The following ZNF140 variants were observed in gnomAD, a reference collection of about 807,000 sequenced individuals.
The protein encoded by ZNF140 is zinc finger protein 140 (clone pHZ-39).
Under a neutral mutation model 12.9 loss-of-function variants are expected in ZNF140, and 13 were observed. The ratio of observed to expected loss-of-function variants is 1.01; its 90% CI spans 0.66 to 1.60. ZNF140 has a LOEUF of 1.60. Ranked by LOEUF, ZNF140 falls within the 40% of genes most tolerant of loss-of-function variation. The pLI, the probability that ZNF140 is intolerant of heterozygous loss-of-function variation, is 0.00. For missense variants in ZNF140, 531 were observed against 548.8 expected (o/e 0.97, Z 0.32); for synonymous variants, 214 against 186.7 (o/e 1.15, Z -1.19).
chr12:133,083,564 G>A lies in ZNF140; in HGVS notation c.232+3G>A. 1 of 1,611,594 alleles carries A rather than the reference G, an allele frequency of 6.2e-7. No homozygotes were observed. The highest frequency in any genetic ancestry group is 8.5e-7 in the Non-Finnish European group (1 of 1,179,080). ...AGTGAAAAGAGATCTGTTTTCAGGT[G>A]AGTGAGTTGGAAGCTGATGGGGAAA... On this transcript the variant is annotated splice_donor_region_variant and intron_variant, in intron 4 of 4. Transcript: ENST00000355557.
At chr12:133,104,917 A>T (rs1223776512) in intron 4 of ZNF140, among the ~76,000 whole-genome samples, 1 of 152,154 alleles carries the variant, frequency 6.6e-6, no homozygotes, top group African/African-American at 2.4e-5. Flanking sequence ...CATAATGCCC[A>T]ATAGTCAGGT....
At chr12:133,095,575 C>A (rs902562711) in intron 4 of ZNF140, among the ~76,000 whole-genome samples, 22 of 151,672 alleles carry the variant, frequency 1.5e-4, no homozygotes, top group Non-Finnish European at 2.8e-4. Flanking sequence ...AGAGAAACAA[C>A]AGTGGGCCCA....
At chr12:133,084,309 T>C (rs1954602459) in intron 4 of ZNF140, 4 of 311,708 alleles carry the variant, frequency 1.3e-5, no homozygotes, top group East Asian at 1.0e-4. Flanking sequence ...TCATTACTCT[T>C]TGATTAATTG....
intron 4 of ZNF140, among the ~76,000 whole-genome samples, chr12:133,086,298 T>C (rs1258944566): frequency 6.6e-6 from 1 of 152,228 alleles, no homozygotes; most frequent in African/African-American, 2.4e-5. Flanking sequence ...GACCCTTGAC[T>C]GACTTATACT....
chr12:133,088,161 G>T (rs886560956), intron 4 of ZNF140, among the ~76,000 whole-genome samples: 31 of 151,714 alleles, frequency 2.0e-4, no homozygotes, highest in African/African-American at 7.2e-4. Flanking sequence ...AAGGAAGAAA[G>T]AAGGGAGGAA....
intron 4 of ZNF140, among the ~76,000 whole-genome samples, chr12:133,092,543 C>G (rs912949632): frequency 6.6e-6 from 1 of 151,116 alleles, no homozygotes; most frequent in Non-Finnish European, 1.5e-5. Context: ...ATTTCCATAC[C>G]AAATTTTAAT....
At position 133,106,258 on chromosome 12, in the gene ZNF140, C is replaced by T. The variant is rs1292381914; in HGVS notation, c.981C>T (p.Thr327=). The T allele has an allele frequency of 1.9e-6, 3 of 1,614,028 alleles. No homozygotes were observed. The highest frequency in any genetic ancestry group is 3.3e-5 in the Admixed American group (2 of 59,994). The change falls in exon 5 of 5, where the codon ACC becomes ACT. Residue 327 remains threonine (T), a synonymous_variant. Transcript: ENST00000355557. ...TRHQSIHTTK[T]PYECNECRKA... is the part of the protein sequence containing the mutation. ...ATCAGAGCATCCATACAACCAAAAC[C>T]CCGTATGAATGTAATGAATGTAGGA...
In ZNF140 at chr12:133,083,227, T is replaced by TG; in HGVS notation, c.136+1dup. ...GAGAACTATGGCCATCTGGTCTCAC[T>TG]GGGTAAGTATTCTTCTTCATCTCCC... On this transcript the variant is annotated frameshift_variant and splice_region_variant, in exon 3 of 5. Coordinates refer to ENST00000355557, the MANE Select transcript of ZNF140 (RefSeq NM_003440.4). LOFTEE classifies it high-confidence loss of function. 1 of 1,609,790 alleles carries TG rather than the reference T, an allele frequency of 6.2e-7. No homozygotes were observed. Among genetic ancestry groups the TG allele is most frequent in the Non-Finnish European group, 8.5e-7 (1 of 1,176,614 alleles).
upstream of ZNF140, chr12:133,080,782 C>G (rs1954442107): frequency 6.6e-6 from 1 of 152,408 alleles, no homozygotes; most frequent in Admixed American, 6.5e-5. Flanking sequence ...GAACGAAAAG[C>G]CCTTGCGCGC....
chr12:133,091,364 T>C lies in ZNF140; in HGVS notation c.232+7803T>C, dbSNP rs760645276. ...CCCTAGATCCCTTAAACATTGATTT[T>C]ATACAACACATGTTTTTGTGAGCTC... On this transcript the variant is annotated intron_variant, in intron 4 of 4. Transcript: ENST00000355557. 2.3e-3 allele frequency among the ~76,000 whole-genome samples: 342 copies of C among 151,402 alleles called. 5 individuals carry two copies. The highest frequency in any genetic ancestry group is 3.4e-3 in the Non-Finnish European group (230 of 67,944).
At chr12:133,083,250 C>T in intron 3 of ZNF140, 21 bp downstream of exon 3, 5 of 1,599,784 alleles carry the variant, frequency 3.1e-6, no homozygotes, top group Non-Finnish European at 4.3e-6. Flanking sequence ...TTCTTCATCT[C>T]CCTCAAGGCA....
Position 133,106,096 on chromosome 12 carries a change from T to C in ZNF140, c.819T>C (p.Tyr273=). 1.9e-6 allele frequency: 3 copies of C among 1,614,092 alleles called. No individual in the cohort carries two copies. Among genetic ancestry groups the C allele is most frequent in the Non-Finnish European group, 2.5e-6 (3 of 1,180,002 alleles). ...HQRIHIGKKQ[Y]ICRKCGKAFS... ...GAATTCACATAGGAAAGAAACAATA[T>C]ATATGTAGGAAATGTGGTAAAGCAT... is the stretch of plus-strand genomic sequence containing the variant. The change falls in exon 5 of 5, where the codon TAT becomes TAC. Residue 273 remains tyrosine, a synonymous_variant. Transcript: ENST00000355557.
intron 2 of ZNF140, chr12:133,082,006 G>C (rs1423724604): frequency 1.9e-5 from 3 of 153,924 alleles, no homozygotes; most frequent in African/African-American, 7.2e-5. Context: ...TCTAAGTCTT[G>C]AGGATGCAGA....
At chr12:133,080,588 C>T (rs1954433565), upstream of ZNF140, 1 of 152,338 alleles carries the variant, frequency 6.6e-6, no homozygotes, top group Non-Finnish European at 1.5e-5. Flanking sequence ...GCGGTTATTT[C>T]TGGGAAATGT....
At chr12:133,091,792 G>C (rs1954900030) in intron 4 of ZNF140, among the ~76,000 whole-genome samples, 1 of 151,032 alleles carries the variant, frequency 6.6e-6, no homozygotes, top group Non-Finnish European at 1.5e-5. Context: ...ATTTAACTGG[G>C]TTTTGATGTT....
chr12:133,081,692 T>A, intron 2 of ZNF140: 3 of 400,212 alleles, frequency 7.5e-6, no homozygotes, highest in South Asian at 5.1e-5. Context: ...CTGGCTGGCA[T>A]GTTTTAGGGT....
intron 4 of ZNF140, among the ~76,000 whole-genome samples, chr12:133,090,952 TA>T (rs1954849968): frequency 6.8e-6 from 1 of 146,258 alleles, no homozygotes; most frequent in East Asian, 1.9e-4. Context: ...CCTCCCACCA[TA>T]GGGCGGTTTT....
rs1955617018 is a variant in ZNF140 at position 133,106,792 on chromosome 12, C to A, written c.*141C>A. On this transcript the variant is annotated 3_prime_UTR_variant, in exon 5 of 5. Coordinates refer to ENST00000355557, the MANE Select transcript of ZNF140 (RefSeq NM_003440.4). ...AATATGGCCCACACTTTATTCACCA[C>A]CCTGGAGAAAAAAAAACCCAGGAAT... is the stretch of plus-strand genomic sequence containing the variant. 2.9e-6 allele frequency: 2 copies of A among 691,348 alleles called. No homozygotes were observed. Among genetic ancestry groups the A allele is most frequent in the East Asian group, 3.1e-5 (1 of 32,196 alleles). 42.8% of individuals were successfully genotyped at this position (691,348 alleles called of 1,614,324 possible). A position where few individuals can be genotyped will look rare whatever the true frequency, so the allele number is the denominator to read the frequency against.
In ZNF140 at chr12:133,106,212, G is replaced by GT. The variant is rs746168770; in HGVS notation, c.938dup (p.Ser314LeufsTer17). On this transcript the variant is annotated frameshift_variant, in exon 5 of 5. Coordinates refer to ENST00000355557, the MANE Select transcript of ZNF140 (RefSeq NM_003440.4). LOFTEE classifies it low-confidence loss of function (END_TRUNC). The stretch of plus-strand genomic sequence containing the variant: ...ATTGAATGTGGGAAGGCATTTCGCC[G>GT]TTTCTCACACCTTACTCGACATCAG... 7.4e-6 allele frequency: 12 copies of GT among 1,614,048 alleles called. No individual in the cohort carries two copies. The highest frequency in any genetic ancestry group is 3.4e-6 in the Non-Finnish European group (4 of 1,180,042).
Sources: allele counts gnomAD v4.1 joint callset (sites outside exome capture counted in the v4.1 genomes callset), GRCh38; gene constraint gnomAD v4.1.1; transcripts MANE v1.5; gene names NCBI Gene and HGNC (gene_info 2026-07-23, HGNC 2026-07-21).